Variants in HSD17B2 observed in about 807,000 individuals in gnomAD.
HSD17B2 encodes 17-beta-hydroxysteroid dehydrogenase type 2.
A neutral mutation model predicts 26.9 loss-of-function variants in HSD17B2; 32 were observed. That is an observed-to-expected ratio of 1.19 (90% CI 0.90 to 1.60). The LOEUF (loss-of-function observed/expected upper bound fraction) is 1.60, where lower values mean the gene tolerates loss of function less well. Among genes scored for constraint, HSD17B2 ranks in the 40% most tolerant of loss-of-function variants. The pLI is 0.00. For missense variants in HSD17B2, 613 were observed against 468.6 expected (o/e 1.31, Z -2.85); for synonymous variants, 246 against 186.7 (o/e 1.32, Z -2.59).
intron 4 of HSD17B2, chr16:82,094,607 A>T (rs1904786717): frequency 6.6e-6 from 1 of 152,204 alleles, no homozygotes; most frequent in South Asian, 2.1e-4. Flanking sequence ...CAAGAAGCCC[A>T]AGAGCAGAAG....
At chr16:82,062,360 C>T (rs566644498) in intron 1 of HSD17B2, among the ~76,000 whole-genome samples, 2 of 152,314 alleles carry the variant, frequency 1.3e-5, no homozygotes, top group Non-Finnish European at 2.9e-5. Flanking sequence ...CTGTTGAGCA[C>T]TTACTATGAG....
chr16:82,053,750 GTGC>G (rs2143943822), intron 1 of HSD17B2, among the ~76,000 whole-genome samples: 1 of 152,314 alleles, frequency 6.6e-6, no homozygotes, highest in East Asian at 1.9e-4. Context: ...AAGACTTTGT[GTGC>G]TGCTGTCCAT....
At chr16:82,060,037 G>T (rs763809732) in intron 1 of HSD17B2, among the ~76,000 whole-genome samples, 1 of 152,200 alleles carries the variant, frequency 6.6e-6, no homozygotes, top group African/African-American at 2.4e-5. Flanking sequence ...GCTCTTCCTG[G>T]ATTAAGAGTT....
chr16:82,074,687 C>A lies in HSD17B2; in HGVS notation c.664+3560C>A, dbSNP rs563995466. Among the ~76,000 whole-genome samples, 55 of 152,220 alleles carry A rather than the reference C, an allele frequency of 3.6e-4. 1 individual carries two copies. The Middle Eastern group carries it at 0.02, about 56-fold the overall frequency. On this transcript the variant is annotated intron_variant, in intron 3 of 4. Coordinates refer to ENST00000199936, the MANE Select transcript of HSD17B2 (RefSeq NM_002153.3). The stretch of plus-strand genomic sequence containing the variant: ...TATACATGCACCCAACACCAGAGCA[C>A]CCAGATGTATAAAGGAAATATTATT...
intron 3 of HSD17B2, among the ~76,000 whole-genome samples, chr16:82,080,417 G>C (rs59471834): frequency 0.03 from 4,496 of 152,200 alleles, 214 homozygotes; most frequent in African/African-American, 0.1. Flanking sequence ...AGAGAAACTG[G>C]AAGATGGTAC....
At chr16:82,087,441 C>T (rs1904559865) in intron 3 of HSD17B2, among the ~76,000 whole-genome samples, 1 of 152,138 alleles carries the variant, frequency 6.6e-6, no homozygotes, top group Admixed American at 6.5e-5. Flanking sequence ...CATCTTACGT[C>T]ATCTTAAACA....
chr16:82,042,201 C>T (rs533975284), intron 1 of HSD17B2, among the ~76,000 whole-genome samples: 77 of 151,760 alleles, frequency 5.1e-4, no homozygotes, highest in African/African-American at 1.6e-3. Flanking sequence ...GAGGGGGTTA[C>T]GCCATTTTGA....
At chr16:82,093,836 A>C (rs1310776581) in intron 4 of HSD17B2, 1 of 152,176 alleles carries the variant, frequency 6.6e-6, no homozygotes, top group Non-Finnish European at 1.5e-5. Flanking sequence ...CTAGACAAGG[A>C]GTGGATTATT....
intron 3 of HSD17B2, among the ~76,000 whole-genome samples, chr16:82,076,814 G>A (rs913550233): frequency 5.9e-5 from 9 of 152,154 alleles, no homozygotes; most frequent in Admixed American, 4.6e-4. Flanking sequence ...TCTTGACTTT[G>A]TGATTTGCCT....
chr16:82,054,464 C>A (rs1307092301), intron 1 of HSD17B2, among the ~76,000 whole-genome samples: 2 of 152,156 alleles, frequency 1.3e-5, no homozygotes, highest in East Asian at 1.9e-4. Context: ...CCTGCTTCAG[C>A]CTCCCAAGTA....
chr16:82,045,143 A>G (rs1407025920), intron 1 of HSD17B2, among the ~76,000 whole-genome samples: 7 of 148,080 alleles, frequency 4.7e-5, no homozygotes, highest in African/African-American at 1.8e-4. Flanking sequence ...AAAAAAAAAA[A>G]GAGAGAAAAA....
chr16:82,039,802 A>G (rs1312287628), intron 1 of HSD17B2, among the ~76,000 whole-genome samples: 1 of 152,180 alleles, frequency 6.6e-6, no homozygotes, highest in African/African-American at 2.4e-5. Context: ...TGTACAGAGC[A>G]GACACCTCAG....
chr16:82,069,793 CT>C (rs1914656236), intron 2 of HSD17B2, among the ~76,000 whole-genome samples: 1 of 152,182 alleles, frequency 6.6e-6, no homozygotes, highest in African/African-American at 2.4e-5. Context: ...CATGGGGCCC[CT>C]AGCTTGATTT....
chr16:82,095,125 T>A (rs184610355), intron 4 of HSD17B2: 1 of 151,618 alleles, frequency 6.6e-6, no homozygotes, highest in Non-Finnish European at 1.5e-5. Flanking sequence ...CCCACAAGAG[T>A]GGCCAGAAAT....
chr16:82,098,017 G>T, intron 4 of HSD17B2, 58 bp from the exon 5 acceptor site: 2 of 1,541,836 alleles, frequency 1.3e-6, no homozygotes, highest in Non-Finnish European at 1.7e-6. Context: ...ACAAGCGCCT[G>T]CTCCCTGACT....
intron 1 of HSD17B2, among the ~76,000 whole-genome samples, chr16:82,053,884 C>T (rs543436514): frequency 6.6e-6 from 1 of 152,270 alleles, no homozygotes; most frequent in South Asian, 2.1e-4. Context: ...ACATAGAATG[C>T]ATAACCATAG....
intron 1 of HSD17B2, among the ~76,000 whole-genome samples, chr16:82,067,046 C>T (rs1439850207): frequency 2.0e-5 from 3 of 152,182 alleles, no homozygotes; most frequent in African/African-American, 4.8e-5. Flanking sequence ...ACATGTTTAT[C>T]AATAGTGTAT....
intron 1 of HSD17B2, among the ~76,000 whole-genome samples, chr16:82,066,961 A>T (rs984160985): frequency 1.3e-5 from 2 of 152,218 alleles, no homozygotes; most frequent in African/African-American, 4.8e-5. Context: ...GCCTGCAAGT[A>T]TTTCTCTAGG....
intron 1 of HSD17B2, among the ~76,000 whole-genome samples, chr16:82,056,753 T>C (rs1384612256): frequency 1.3e-5 from 2 of 152,240 alleles, no homozygotes; most frequent in African/African-American, 4.8e-5. Context: ...GGAAGTTGAC[T>C]ATATTCAGAG....
Sources: allele counts gnomAD v4.1 joint callset (sites outside exome capture counted in the v4.1 genomes callset), GRCh38; gene constraint gnomAD v4.1.1; transcripts MANE v1.5; gene names NCBI Gene and HGNC (gene_info 2026-07-23, HGNC 2026-07-21).